ZNF536: variants seen among roughly 807,000 people sequenced by gnomAD.
ZNF536 encodes zinc finger protein 536.
A neutral mutation model predicts 84.5 loss-of-function variants in ZNF536; 13 were observed. The ratio of observed to expected loss-of-function variants is 0.15; its 90% confidence interval spans 0.10 to 0.24. The LOEUF is 0.24. Ranked by LOEUF, ZNF536 falls within the 10% of genes least tolerant of loss-of-function variation. The pLI is 1.00. For missense variants in ZNF536, 1,536 were observed against 1,747.5 expected (o/e 0.88, Z 2.16); for synonymous variants, 811 against 742.5 (o/e 1.09, Z -1.50).
chr19:30,327,583 G>A (rs755147430), intron 2 of ZNF536, among the ~76,000 whole-genome samples: 4 of 152,182 alleles, frequency 2.6e-5, no homozygotes, highest in Admixed American at 6.5e-5. Context: ...TTGTTCCTGC[G>A]AACCCTTCAG....
intron 2 of ZNF536, among the ~76,000 whole-genome samples, chr19:30,471,918 T>C (rs1055480630): frequency 1.3e-5 from 2 of 152,220 alleles, no homozygotes; most frequent in Non-Finnish European, 2.9e-5. Flanking sequence ...ATTTTTTTTT[T>C]CTGGAACACC....
At chr19:30,237,559 G>A (rs768258819) in intron 1 of ZNF536, among the ~76,000 whole-genome samples, 9 of 152,288 alleles carry the variant, frequency 5.9e-5, no homozygotes, top group Middle Eastern at 3.4e-3. Context: ...GGGCCAAGGC[G>A]ACCCTCCTTT....
At chr19:30,585,600 G>A (rs1166198321) in intron 1 of ZNF536, among the ~76,000 whole-genome samples, 1 of 152,158 alleles carries the variant, frequency 6.6e-6, no homozygotes, top group Non-Finnish European at 1.5e-5. Flanking sequence ...AGGGTGGGAT[G>A]CCACTGCTTG....
At position 30,548,682 on chromosome 19, in the gene ZNF536, G is replaced by T. The variant is rs549916628; in HGVS notation, c.3063G>T (p.Gln1021His). The change falls in exon 4 of 5, where the codon CAG (glutamine) becomes CAT (histidine). Residue 1021 changes from glutamine to histidine, a missense_variant. Gln to His is a conservative substitution (Grantham distance 24). Around this residue, in one of 8 missense-constraint regions of ZNF536, gnomAD observed 624 missense variants for 603.1 expected, o/e 1.03. Transcript: ENST00000355537. ...SSMELMALHL[Q>H]ANHLGKAKRK... is the part of the protein sequence containing the mutation. ...TGGAGCTCATGGCCCTTCATCTCCA[G>T]GCCAACCACCTGGGCAAAGCGAAAC... 3 of 1,613,874 alleles carry T rather than the reference G, an allele frequency of 1.9e-6. No individual in the cohort carries two copies. The African/African-American group carries it at 4.0e-5, about 22-fold the overall frequency.
At chr19:30,488,548 T>C (rs1170084813) in intron 2 of ZNF536, among the ~76,000 whole-genome samples, 1 of 147,332 alleles carries the variant, frequency 6.8e-6, no homozygotes, top group Non-Finnish European at 1.5e-5. Context: ...GGAAAATTAT[T>C]TAGCTATTTT....
chr19:30,264,235 G>A (rs1205267874), intron 1 of ZNF536, among the ~76,000 whole-genome samples: 1 of 152,176 alleles, frequency 6.6e-6, no homozygotes, highest in Non-Finnish European at 1.5e-5. Context: ...ATTCAGATGT[G>A]CTGATAACCT....
At chr19:30,368,786 C>T (rs903146429), upstream of ZNF536, among the ~76,000 whole-genome samples, 16 of 152,128 alleles carry the variant, frequency 1.1e-4, 1 homozygote, top group Middle Eastern at 3.2e-3. Flanking sequence ...AGAATCTCAC[C>T]GGGTCCAAGG....
intron 1 of ZNF536, among the ~76,000 whole-genome samples, chr19:30,602,819 G>T (rs1233851214): frequency 6.6e-6 from 1 of 152,142 alleles, no homozygotes; most frequent in Non-Finnish European, 1.5e-5. Context: ...CTGTGACCTG[G>T]GATTCAGGGA....
At chr19:30,371,798 G>A (rs1168118994), upstream of ZNF536, among the ~76,000 whole-genome samples, 1 of 150,382 alleles carries the variant, frequency 6.6e-6, no homozygotes, top group African/African-American at 2.5e-5. Flanking sequence ...TGCATATATA[G>A]AGAATATATA....
chr19:30,701,686 GGCAGGA>G (rs2051989977), intron 1 of ZNF536, among the ~76,000 whole-genome samples: 1 of 152,226 alleles, frequency 6.6e-6, no homozygotes, highest in East Asian at 1.9e-4. Context: ...TGCAGTCCAT[GGCAGGA>G]GCAGGTGGAG....
rs549223181 is a variant in ZNF536 at position 30,639,119 on chromosome 19, G to A, written c.170-71638G>A. Among the ~76,000 whole-genome samples, 32 of 152,202 alleles carry A rather than the reference G, an allele frequency of 2.1e-4. No homozygotes were observed. In the East Asian group the frequency reaches 3.5e-3, roughly 17 times the overall value. ...TGTCTTTGTTTTTACTCATTTGGTC[G>A]TATTTCCTGGTGTTCCTGGTAATTT... is the stretch of plus-strand genomic sequence containing the variant. On this transcript the variant is annotated intron_variant, in intron 1 of 1. Coordinates refer to the ZNF536 transcript ENST00000592773.
At chr19:30,645,520 G>A (rs1433153988) in intron 1 of ZNF536, among the ~76,000 whole-genome samples, 1 of 152,188 alleles carries the variant, frequency 6.6e-6, no homozygotes, top group Non-Finnish European at 1.5e-5. Context: ...TTATTAATGA[G>A]GAGGACATGT....
intron 2 of ZNF536, among the ~76,000 whole-genome samples, chr19:30,502,875 A>G (rs2145351413): frequency 6.6e-6 from 1 of 152,282 alleles, no homozygotes; most frequent in South Asian, 2.1e-4. Flanking sequence ...GGCCAAAATA[A>G]ACCCCAGATG....
chr19:30,298,043 G>A (rs2046065308), intron 2 of ZNF536, among the ~76,000 whole-genome samples: 1 of 152,046 alleles, frequency 6.6e-6, no homozygotes, highest in South Asian at 2.1e-4. Context: ...ACCATGCCCG[G>A]TAATTTTTGC....
chr19:30,338,138 G>C (rs1249681463), intron 2 of ZNF536, among the ~76,000 whole-genome samples: 2 of 149,050 alleles, frequency 1.3e-5, no homozygotes, highest in African/African-American at 4.9e-5. Context: ...GGTGATGATG[G>C]TGATGATTGT....
chr19:30,408,450 G>T (rs1199362673), intron 1 of ZNF536, among the ~76,000 whole-genome samples: 1 of 152,120 alleles, frequency 6.6e-6, no homozygotes, highest in African/African-American at 2.4e-5. Context: ...TACTCCATCT[G>T]CATTATTTGT....
chr19:30,706,086 C>T (rs944230563), intron 1 of ZNF536, among the ~76,000 whole-genome samples: 5 of 152,188 alleles, frequency 3.3e-5, no homozygotes, highest in Non-Finnish European at 7.3e-5. Flanking sequence ...CCAAGAGGCA[C>T]GTTGCATCAC....
intron 2 of ZNF536, among the ~76,000 whole-genome samples, chr19:30,480,879 T>C (rs1868946632): frequency 6.6e-6 from 1 of 152,028 alleles, no homozygotes; most frequent in South Asian, 2.1e-4. Context: ...CTACCAAAAC[T>C]ACAAAAATTA....
chr19:30,380,047 G>A (rs1049875213), intron 1 of ZNF536, among the ~76,000 whole-genome samples: 3 of 152,314 alleles, frequency 2.0e-5, no homozygotes, highest in South Asian at 2.1e-4. Flanking sequence ...CACCACCGCC[G>A]AGGACATGGC....
Sources: allele counts gnomAD v4.1 joint callset (sites outside exome capture counted in the v4.1 genomes callset), GRCh38; gene constraint gnomAD v4.1.1; regional missense constraint gnomAD v4.1.1; transcripts MANE v1.5; gene names NCBI Gene and HGNC (gene_info 2026-07-23, HGNC 2026-07-21).